Variants in TMC3 observed in about 807,000 individuals in gnomAD.
TMC3 encodes transmembrane channel-like protein 3.
A neutral mutation model predicts 110.6 loss-of-function variants in TMC3; 98 were observed. The ratio of observed to expected loss-of-function variants is 0.89; its 90% CI spans 0.75 to 1.05. The LOEUF (loss-of-function observed/expected upper bound fraction) is 1.05, where lower values mean the gene tolerates loss of function less well. Among genes scored for constraint, TMC3 ranks in the 50% least tolerant of loss-of-function variants. The probability of loss-of-function intolerance (pLI) is 0.00; values close to 1 mark genes in which losing one functional copy is unlikely to be tolerated. For synonymous variants in TMC3, 489 were observed against 513.1 expected, an observed-to-expected ratio of 0.95 and a Z score of 0.63; for missense variants, 1,319 against 1,373.2, an observed-to-expected ratio of 0.96 and a Z score of 0.62.
Position 81,358,417 on chromosome 15 carries a change from G to A in TMC3, c.585C>T (p.Thr195=), listed in dbSNP as rs751136043. 2.5e-5 allele frequency: 40 copies of A among 1,613,426 alleles called. 1 individual carries two copies. In the Middle Eastern group the frequency reaches 6.6e-4, roughly 27 times the overall value. The change falls in exon 6 of 22, where the codon ACC becomes ACT. Residue 195 remains threonine (T), a synonymous_variant. Coordinates refer to ENST00000359440, the MANE Select transcript of TMC3 (RefSeq NM_001080532.3). ...EQVSSAQDLD[T]VWSLGGYLQY... is the part of the protein sequence containing the mutation. Reference sequence around the variant, plus strand: ...TCAATCTCACCCCCAGAGACCAGACGGTGTCCAGGTCTTGGGCAGACGAAA... The same window carrying A: ...TCAATCTCACCCCCAGAGACCAGACAGTGTCCAGGTCTTGGGCAGACGAAA...
At chr15:81,334,625 G>A (rs1344991354) in intron 21 of TMC3, 95 bp downstream of exon 21, 43 of 1,459,126 alleles carry the variant, frequency 2.9e-5, no homozygotes, top group Non-Finnish European at 3.6e-5. Flanking sequence ...CCTTCTGGGA[G>A]AATTAGAATT....
chr15:81,369,298 G>A (rs7169250), intron 2 of TMC3, among the ~76,000 whole-genome samples: 66,987 of 151,614 alleles, frequency 0.44, 17,283 homozygotes, highest in African/African-American at 0.71. Flanking sequence ...TCTCCAAAAC[G>A]TTACCTAACC....
intron 15 of TMC3, 197 bp from the exon 16 acceptor site, chr15:81,341,715 A>G (rs987536173): frequency 2.7e-5 from 11 of 401,522 alleles, no homozygotes; most frequent in Non-Finnish European, 4.9e-5. Context: ...GAAGGTGGGT[A>G]TTGATCCTAT....
chr15:81,372,120 T>A lies in TMC3; in HGVS notation c.236+471A>T, dbSNP rs534557796. ...GCTTCCTATAAAGTCTTTTTTTTTT[T>A]AATTATTTTTTTACCCAGAGGGTGG... On this transcript the variant is annotated intron_variant, in intron 2 of 21. Coordinates refer to ENST00000359440, the MANE Select transcript of TMC3 (RefSeq NM_001080532.3). 2.8e-4 allele frequency among the ~76,000 whole-genome samples: 42 copies of A among 151,246 alleles called. No homozygotes were observed. In the East Asian group the frequency reaches 3.5e-3, roughly 13 times the overall value.
intron 12 of TMC3, 35 bp from the exon 13 acceptor site, chr15:81,345,046 G>A (rs910919315): frequency 9.0e-6 from 14 of 1,547,344 alleles, no homozygotes; most frequent in Middle Eastern, 1.7e-4. Context: ...AGGGAAGCAG[G>A]GGAGAAAGGA....
intron 7 of TMC3, 48 bp from the exon 8 acceptor site, chr15:81,356,642 G>C: frequency 5.8e-6 from 9 of 1,552,678 alleles, no homozygotes; most frequent in Non-Finnish European, 7.8e-6. Context: ...AGGAATAGGG[G>C]GCTGTAGCTA....
chr15:81,359,030 G>A (rs1389479275), intron 5 of TMC3, among the ~76,000 whole-genome samples: 1 of 152,052 alleles, frequency 6.6e-6, no homozygotes, highest in East Asian at 1.9e-4. Context: ...TTTTTAAGTG[G>A]TTGGGGAAAA....
intron 18 of TMC3, 119 bp from the exon 19 acceptor site, chr15:81,338,043 C>T (rs1281525514): frequency 7.9e-6 from 6 of 758,762 alleles, no homozygotes; most frequent in Non-Finnish European, 1.4e-5. Context: ...TGCGGGCTAT[C>T]CACTGACCCT....
Position 81,336,671 on chromosome 15 carries a change from C to G in TMC3, c.2161-20G>C, listed in dbSNP as rs774372344. Reference sequence around the variant, plus strand: ...TCTTGCCTAAAATGCAAATGATATGCATGTTTGTTTTGGCTTTAGCAGGAA... The same window carrying G: ...TCTTGCCTAAAATGCAAATGATATGGATGTTTGTTTTGGCTTTAGCAGGAA... On this transcript the variant is annotated intron_variant, in intron 19 of 21. Coordinates refer to ENST00000359440, the MANE Select transcript of TMC3 (RefSeq NM_001080532.3). 1.2e-6 allele frequency: 2 copies of G among 1,613,526 alleles called. No individual in the cohort carries two copies. Among genetic ancestry groups the G allele is most frequent in the Non-Finnish European group, 1.7e-6 (2 of 1,179,698 alleles).
chr15:81,360,891 A>C (rs1388330234), intron 4 of TMC3, among the ~76,000 whole-genome samples: 2 of 152,044 alleles, frequency 1.3e-5, no homozygotes, highest in East Asian at 3.8e-4. Context: ...GAAAGGGTAG[A>C]CTAGCCAAGG....
At chr15:81,351,144 A>C (rs1323818116) in intron 10 of TMC3, among the ~76,000 whole-genome samples, 1 of 152,186 alleles carries the variant, frequency 6.6e-6, no homozygotes, top group African/African-American at 2.4e-5. Context: ...AGAACGGTGT[A>C]AATGCTTGAA....
chr15:81,369,254 C>T (rs896357925), intron 2 of TMC3, among the ~76,000 whole-genome samples: 1 of 152,146 alleles, frequency 6.6e-6, no homozygotes, highest in Admixed American at 6.5e-5. Flanking sequence ...ACACAAGGTA[C>T]AAGCCAACTC....
In TMC3 at chr15:81,349,540, T is replaced by C; in HGVS notation, c.1111A>G (p.Met371Val). 6.4e-7 allele frequency: 1 copy of C among 1,554,414 alleles called. No homozygotes were observed. Among genetic ancestry groups the C allele is most frequent in the Non-Finnish European group, 8.7e-7 (1 of 1,148,908 alleles). ...AGGTCAAAGGCTGATGGTGCTATCA[T>C]GGTGACGAGGGAGACCACCACACTG... Reference protein sequence around the residue: ...EVSVVVSLVTMIAPSAFDLIA... With the variant: ...EVSVVVSLVTVIAPSAFDLIA... The change falls in exon 11 of 22, where the codon ATG becomes GTG. Residue 371 changes from methionine (M) to valine (V), a missense_variant. Transcript: ENST00000359440.
intron 21 of TMC3, 135 bp downstream of exon 21, chr15:81,334,585 G>T: frequency 8.2e-7 from 1 of 1,219,042 alleles, no homozygotes; most frequent in Non-Finnish European, 1.1e-6. Context: ...TTTCTTTTTA[G>T]TACCAGCTGT....
chr15:81,354,602 G>A (rs1433388843), intron 9 of TMC3, among the ~76,000 whole-genome samples: 7 of 152,134 alleles, frequency 4.6e-5, no homozygotes, highest in Non-Finnish European at 1.5e-5. Context: ...CGAGCAAGGG[G>A]TACATGTGTG....
Position 81,340,405 on chromosome 15 carries a change from T to C in TMC3, c.1845-901A>G, listed in dbSNP as rs1313999900. Among the ~76,000 whole-genome samples the C allele has an allele frequency of 2.0e-5, 3 of 152,300 alleles. No homozygotes were observed. The East Asian group carries it at 5.8e-4, about 29-fold the overall frequency. The stretch of plus-strand genomic sequence containing the variant: ...TACACATATATAACATATATAAATA[T>C]ATCAAAACATATCTCTGAATGTATT... On this transcript the variant is annotated intron_variant, in intron 16 of 21. Coordinates refer to ENST00000359440, the MANE Select transcript of TMC3 (RefSeq NM_001080532.3).
Position 81,333,038 on chromosome 15 carries a change from GAGT to G in TMC3, c.2681_2683del (p.Asp894_Ser895delinsAla). The G allele has an allele frequency of 6.2e-7, 1 of 1,613,832 alleles. No homozygotes were observed. Among genetic ancestry groups the G allele is most frequent in the South Asian group, 1.1e-5 (1 of 91,058 alleles). The stretch of plus-strand genomic sequence containing the variant: ...GACATTTAGATGTTTTTTCTTGTAA[GAGT>G]CACATTCATTAATGACATAGTATCT... On this transcript the variant is annotated inframe_deletion, in exon 22 of 22. Transcript: ENST00000359440.
At chr15:81,353,856 G>T (rs1894003037) in intron 9 of TMC3, among the ~76,000 whole-genome samples, 4 of 152,152 alleles carry the variant, frequency 2.6e-5, no homozygotes, top group Admixed American at 2.0e-4. Context: ...CTTTTTCAAT[G>T]CTGTTATCTT....
intron 9 of TMC3, 119 bp from the exon 10 acceptor site, chr15:81,351,960 G>A (rs1199317657): frequency 2.4e-6 from 3 of 1,233,358 alleles, no homozygotes; most frequent in East Asian, 5.2e-5. Flanking sequence ...TCTCTGCCCT[G>A]AAGCATCAAT....
Sources: gnomAD v4.1 joint callset for allele counts (sites outside exome capture counted in the v4.1 genomes callset) on GRCh38, gnomAD v4.1.1 for gene constraint, MANE v1.5 for transcripts, NCBI Gene and HGNC (gene_info 2026-07-23, HGNC 2026-07-21) for gene names.